Variants in AGMO observed in about 807,000 individuals in gnomAD.
AGMO encodes alkylglycerol monooxygenase, also known as glyceryl-ether monooxygenase.
In AGMO, 75 loss-of-function variants were observed where a neutral mutation model predicts 60.2. The observed-to-expected ratio is 1.25, with a 90% CI of 1.03 to 1.51. The LOEUF (loss-of-function observed/expected upper bound fraction) is 1.51. Ranked by LOEUF, AGMO falls within the 40% of genes most tolerant of loss-of-function variation. The pLI, the probability that AGMO is intolerant of heterozygous loss-of-function variation, is 0.00. For synonymous variants in AGMO, 261 were observed against 177.1 expected (o/e 1.47, Z -3.76); for missense variants, 763 against 525.5 (o/e 1.45, Z -4.42).
the AGMO span, among the ~76,000 whole-genome samples, chr7:15,133,588 AG>A: frequency 6.6e-6 from 1 of 152,172 alleles, no homozygotes; most frequent in East Asian, 1.9e-4. Flanking sequence ...ATAAATTCAA[AG>A]ATATATGAGT....
At chr7:15,410,270 G>C (rs1464890256) in intron 5 of AGMO, among the ~76,000 whole-genome samples, 1 of 151,616 alleles carries the variant, frequency 6.6e-6, no homozygotes, top group Non-Finnish European at 1.5e-5. Flanking sequence ...GATGCTACAA[G>C]AATAGCAATA....
At chr7:15,209,940 A>C (rs1209282530) in intron 12 of AGMO, among the ~76,000 whole-genome samples, 2 of 152,156 alleles carry the variant, frequency 1.3e-5, no homozygotes, top group African/African-American at 2.4e-5. Flanking sequence ...CAAACATTCA[A>C]AGAATATATT....
intron 3 of AGMO, among the ~76,000 whole-genome samples, chr7:15,497,692 A>G (rs890051965): frequency 2.6e-5 from 4 of 152,110 alleles, no homozygotes; most frequent in African/African-American, 4.8e-5. Context: ...CTAAAATCAT[A>G]TATTTATTAT....
At chr7:15,246,652 A>C (rs1446925424) in intron 12 of AGMO, among the ~76,000 whole-genome samples, 2 of 151,894 alleles carry the variant, frequency 1.3e-5, no homozygotes, top group Non-Finnish European at 2.9e-5. Flanking sequence ...TGTACTGAAG[A>C]CCCAATATCA....
intron 10 of AGMO, among the ~76,000 whole-genome samples, chr7:15,383,049 G>A (rs1398674995): frequency 4.0e-5 from 6 of 151,894 alleles, no homozygotes; most frequent in African/African-American, 9.7e-5. Context: ...AGGATCCTGT[G>A]TAGTTGACCC....
At chr7:15,395,253 C>T (rs1384770776) in intron 5 of AGMO, among the ~76,000 whole-genome samples, 1 of 151,788 alleles carries the variant, frequency 6.6e-6, no homozygotes, top group Non-Finnish European at 1.5e-5. Context: ...TTAAATGATG[C>T]GAAAGGGCAA....
intron 3 of AGMO, among the ~76,000 whole-genome samples, chr7:15,525,551 T>C (rs1456934081): frequency 2.0e-5 from 3 of 152,058 alleles, no homozygotes; most frequent in Admixed American, 1.3e-4. Context: ...TGAGATCTGT[T>C]TCATTGTTCA....
intron 12 of AGMO, among the ~76,000 whole-genome samples, chr7:15,210,529 T>TA (rs928039027): frequency 2.6e-5 from 4 of 152,218 alleles, no homozygotes; most frequent in Non-Finnish European, 5.9e-5. Context: ...CAGAGTATTT[T>TA]AAAAAATGAT....
intron 2 of AGMO, among the ~76,000 whole-genome samples, chr7:15,547,696 A>T (rs890953355): frequency 2.6e-5 from 4 of 151,992 alleles, no homozygotes; most frequent in African/African-American, 9.7e-5. Flanking sequence ...TTGCTAGCAC[A>T]GCAGTCTGAG....
chr7:15,394,234 G>GTA (rs1562484027), intron 5 of AGMO, 55 bp from the exon 6 acceptor site: 20 of 1,229,040 alleles, frequency 1.6e-5, no homozygotes, highest in Non-Finnish European at 2.4e-5. Context: ...ATGTGTGTTA[G>GTA]TATATAAATG....
intron 3 of AGMO, among the ~76,000 whole-genome samples, chr7:15,447,206 G>C (rs1161052544): frequency 6.6e-6 from 1 of 152,140 alleles, no homozygotes; most frequent in East Asian, 1.9e-4. Flanking sequence ...AATAACCTGG[G>C]AGAATCTTGA....
chr7:15,443,222 T>C (rs7786405), intron 3 of AGMO, among the ~76,000 whole-genome samples: 69,885 of 152,030 alleles, frequency 0.46, 16,488 homozygotes, highest in Non-Finnish European at 0.52. Flanking sequence ...CACAAGCTAC[T>C]TACAGACGGC....
At position 15,214,299 on chromosome 7, in the gene AGMO, T is replaced by A. The variant is rs111440325; in HGVS notation, c.1264-12940A>T. ...AATGTGTTTCTGATTATGTCAAAGG[T>A]ATATTTTATGGATTCTGGAGAAATG... On this transcript the variant is annotated intron_variant, in intron 12 of 12. Transcript: ENST00000342526. Among the ~76,000 whole-genome samples, 510 of 152,112 alleles carry A rather than the reference T, an allele frequency of 3.4e-3. 4 individuals are homozygous for A. The highest frequency in any genetic ancestry group is 0.012 in the African/African-American group (483 of 41,556).
At chr7:15,329,056 C>A (rs1781426445) in intron 12 of AGMO, among the ~76,000 whole-genome samples, 1 of 152,126 alleles carries the variant, frequency 6.6e-6, no homozygotes, top group Admixed American at 6.5e-5. Flanking sequence ...TCCTTCCTCC[C>A]CTGCACCTCA....
chr7:15,553,731 A>G (rs1374788925), intron 2 of AGMO, among the ~76,000 whole-genome samples: 1 of 152,148 alleles, frequency 6.6e-6, no homozygotes, highest in Non-Finnish European at 1.5e-5. Context: ...TAAATAAATA[A>G]ATAATTTCAA....
intron 12 of AGMO, among the ~76,000 whole-genome samples, chr7:15,324,906 T>G (rs10280722): frequency 3.3e-5 from 5 of 151,932 alleles, no homozygotes; most frequent in African/African-American, 1.2e-4. Flanking sequence ...CGGTTCCTAA[T>G]AGGCCACCAA....
intron 5 of AGMO, among the ~76,000 whole-genome samples, chr7:15,406,640 T>C (rs1420498454): frequency 3.2e-5 from 2 of 61,986 alleles, no homozygotes; most frequent in Non-Finnish European, 6.4e-5. Flanking sequence ...TATATGAATA[T>C]ACATATATAT....
At chr7:15,156,008 T>C in the AGMO span, among the ~76,000 whole-genome samples, 1 of 152,164 alleles carries the variant, frequency 6.6e-6, no homozygotes. Context: ...CCTGCTGTGC[T>C]AGAGGGGTTG....
intron 12 of AGMO, among the ~76,000 whole-genome samples, chr7:15,299,521 T>A (rs113652509): frequency 6.2e-4 from 94 of 152,162 alleles, no homozygotes; most frequent in African/African-American, 2.2e-3. Flanking sequence ...CTGTGTTTCA[T>A]GGATTGGAAG....
Sources: allele counts gnomAD v4.1 joint callset (sites outside exome capture counted in the v4.1 genomes callset), GRCh38; gene constraint gnomAD v4.1.1; transcripts MANE v1.5; gene names NCBI Gene and HGNC (gene_info 2026-07-23, HGNC 2026-07-21).